Variants in TENM1 observed in about 807,000 individuals in gnomAD.
TENM1 encodes teneurin transmembrane protein 1, also known as teneurin-1.
TENM1 carries 35 observed loss-of-function variants against 174.8 expected under a neutral mutation model. The ratio of observed to expected loss-of-function variants is 0.20; its 90% confidence interval spans 0.15 to 0.27. The LOEUF is 0.27. TENM1 is among the 10% of genes least tolerant of loss of function. The pLI is 1.00. For missense variants in TENM1, 1,633 were observed against 2,130.1 expected, an observed-to-expected ratio of 0.77 and a Z score of 4.59; for synonymous variants, 781 against 798.7, an observed-to-expected ratio of 0.98 and a Z score of 0.37.
At chrX:124,564,636 T>A (rs1197556246) in intron 12 of TENM1, among the ~76,000 whole-genome samples, 1 of 111,969 alleles carries the variant, frequency 8.9e-6, no homozygotes, top group Admixed American at 9.5e-5. Context: ...ACCTTAGCGG[T>A]GGATAGAAAT....
At chrX:124,950,724 G>A (rs939208513) in intron 1 of TENM1, among the ~76,000 whole-genome samples, 1 of 111,608 alleles carries the variant, frequency 9.0e-6, no homozygotes, top group African/African-American at 3.3e-5. Context: ...GCTTAGTGTG[G>A]TCCTGCCTGA....
intron 22 of TENM1, among the ~76,000 whole-genome samples, chrX:124,467,273 T>G (rs2147888611): frequency 8.9e-6 from 1 of 112,282 alleles, no homozygotes; most frequent in African/African-American, 3.2e-5. Context: ...CTTTGATATT[T>G]GAGGCTTGAA....
chrX:124,429,923 G>A (rs772399001), intron 23 of TENM1, among the ~76,000 whole-genome samples: 4 of 112,049 alleles, frequency 3.6e-5, no homozygotes, highest in South Asian at 3.7e-4. Flanking sequence ...GAGAATCACC[G>A]CATTAAGTCA....
intron 3 of TENM1, among the ~76,000 whole-genome samples, chrX:124,856,812 G>A (rs1408492920): frequency 3.6e-5 from 4 of 111,016 alleles, no homozygotes; most frequent in East Asian, 2.8e-4. Context: ...AGATAGTGAC[G>A]TGGTAGTGGG....
chrX:124,893,873 A>C (rs954965490), intron 3 of TENM1, among the ~76,000 whole-genome samples: 18 of 111,584 alleles, frequency 1.6e-4, no homozygotes, highest in African/African-American at 5.5e-4. Context: ...CACCTGGAGG[A>C]AGAGACCAAG....
At chrX:124,848,640 G>C (rs2056658508) in intron 3 of TENM1, among the ~76,000 whole-genome samples, 1 of 110,225 alleles carries the variant, frequency 9.1e-6, no homozygotes, top group South Asian at 3.8e-4. Flanking sequence ...AATTCCCACA[G>C]GTACATAAAT....
At chrX:124,749,116 C>T (rs543040343) in intron 3 of TENM1, among the ~76,000 whole-genome samples, 152 of 110,963 alleles carry the variant, frequency 1.4e-3, no homozygotes, top group Non-Finnish European at 1.6e-3. Context: ...TCTAAAAGTT[C>T]TAAGAAGCTA....
chrX:124,605,711 A>G (rs2249084), intron 11 of TENM1, among the ~76,000 whole-genome samples: 18,119 of 110,894 alleles, frequency 0.16, 1,226 homozygotes, highest in East Asian at 0.31. Context: ...TTACAGTAAT[A>G]CAATGCACTG....
At chrX:124,595,390 T>C (rs1227291083) in intron 11 of TENM1, among the ~76,000 whole-genome samples, 1 of 111,744 alleles carries the variant, frequency 8.9e-6, no homozygotes, top group Non-Finnish European at 1.9e-5. Context: ...TTGTTAATTA[T>C]GTCTCAACAA....
At chrX:125,046,619 C>T in the TENM1 span, among the ~76,000 whole-genome samples, 1 of 111,747 alleles carries the variant, frequency 8.9e-6, no homozygotes, top group Non-Finnish European at 1.9e-5. Context: ...GAAATGTGTG[C>T]CACAGGTCAA....
Position 124,755,486 on chromosome X carries a change from A to G in TENM1, c.536-18289T>C, listed in dbSNP as rs1287323686. Among the ~76,000 whole-genome samples, 7 of 110,931 alleles carry G rather than the reference A, an allele frequency of 6.3e-5. No homozygotes were observed. In the South Asian group the frequency reaches 2.7e-3, roughly 43 times the overall value. On this transcript the variant is annotated intron_variant, in intron 3 of 31. Coordinates refer to ENST00000422452, the Ensembl canonical transcript of TENM1. ...TTTAGTTGGAGCATTTAGTCCATTT[A>G]CATTTAAAGTTAATATTGTTATGTG...
At chrX:124,716,722 A>G (rs2053190888) in intron 4 of TENM1, among the ~76,000 whole-genome samples, 1 of 111,959 alleles carries the variant, frequency 8.9e-6, no homozygotes, top group Admixed American at 9.5e-5. Flanking sequence ...ATGCACATCA[A>G]GAGACAAAAA....
At chrX:125,075,434 A>C in the TENM1 span, among the ~76,000 whole-genome samples, 4 of 111,620 alleles carry the variant, frequency 3.6e-5, no homozygotes, top group Non-Finnish European at 7.5e-5. Context: ...TATTAGGAAT[A>C]ATACTATTAT....
chrX:124,580,568 G>A (rs2049280797), intron 11 of TENM1, among the ~76,000 whole-genome samples: 1 of 110,042 alleles, frequency 9.1e-6, no homozygotes, highest in Non-Finnish European at 1.9e-5. Flanking sequence ...TATGGAGTGG[G>A]GTTGGGGAGA....
intron 1 of TENM1, among the ~76,000 whole-genome samples, chrX:124,917,314 G>A (rs969021101): frequency 1.8e-5 from 2 of 111,747 alleles, no homozygotes; most frequent in East Asian, 2.8e-4. Context: ...GGTTACTTGA[G>A]CCAAAAAAAC....
At chrX:124,648,702 T>C (rs181894523) in intron 8 of TENM1, among the ~76,000 whole-genome samples, 1 of 112,159 alleles carries the variant, frequency 8.9e-6, no homozygotes, top group East Asian at 2.8e-4. Flanking sequence ...TTCTTAAGTC[T>C]ACATTTGAAT....
exon 30 of TENM1, chrX:124,384,127 G>A: frequency 8.3e-7 from 1 of 1,211,585 alleles, no homozygotes. Context: ...GCCCTAGGCT[G>A]GACTTACTCG....
At chrX:125,001,902 T>C in the TENM1 span, among the ~76,000 whole-genome samples, 10 of 69,072 alleles carry the variant, frequency 1.4e-4, no homozygotes, top group African/African-American at 2.2e-4. Context: ...TCTCTCTACC[T>C]CCAGTCCATC....
At chrX:124,832,657 C>T (rs1031100778) in intron 3 of TENM1, among the ~76,000 whole-genome samples, 2 of 112,337 alleles carry the variant, frequency 1.8e-5, no homozygotes. Flanking sequence ...TCACAGCAGC[C>T]TCTACCTCCC....
Sources: gnomAD v4.1 joint callset for allele counts (sites outside exome capture counted in the v4.1 genomes callset) on GRCh38, gnomAD v4.1.1 for gene constraint, MANE v1.5 for transcripts, NCBI Gene and HGNC (gene_info 2026-07-23, HGNC 2026-07-21) for gene names.